The following ATP8B3 variants were observed in gnomAD, a reference collection of about 807,000 sequenced individuals.
ATP8B3 encodes phospholipid-transporting ATPase IK.
Under a neutral mutation model 140.9 loss-of-function variants are expected in ATP8B3, and 141 were observed. That is an observed-to-expected ratio of 1.00 (90% CI 0.87 to 1.15). The LOEUF is 1.15. Among genes scored for constraint, ATP8B3 ranks in the 50% most tolerant of loss-of-function variants. The pLI is 0.00. For missense variants in ATP8B3, 1,874 were observed against 1,740.6 expected, an observed-to-expected ratio of 1.08 and a Z score of -1.36; for synonymous variants, 765 against 714.6, an observed-to-expected ratio of 1.07 and a Z score of -1.13.
At position 1,800,290 on chromosome 19, in the gene ATP8B3, T is replaced by C. The variant is rs554611353; in HGVS notation, c.1312A>G (p.Ser438Gly). ...FVFWSFLILL[S>G]VTIPMSMFIL... is the part of the protein sequence containing the mutation. Reference sequence around the variant, plus strand: ...AACATGGACATCGGGATGGTGACGCTGAGCAGGATGAGGAAGCTCCAGAAG... The same window carrying C: ...AACATGGACATCGGGATGGTGACGCCGAGCAGGATGAGGAAGCTCCAGAAG... The change falls in exon 13 of 29, where the codon AGC becomes GGC. Residue 438 changes from serine to glycine, a missense_variant. Ser to Gly is a moderately conservative substitution (Grantham distance 56). Transcript: ENST00000310127. This position sits in a 1 kb window ranked among gnomAD's most constrained non-coding sequence, Gnocchi z 4.4. The C allele has an allele frequency of 3.5e-5, 57 of 1,612,452 alleles. No homozygotes were observed. The South Asian group carries it at 4.9e-4, about 14-fold the overall frequency.
intron 2 of ATP8B3, among the ~76,000 whole-genome samples, chr19:1,811,000 T>TGGCCATGCCAGCCTCC (rs2069173173): frequency 2.0e-5 from 3 of 152,274 alleles, no homozygotes; most frequent in South Asian, 2.1e-4. Flanking sequence ...TGCCAGCCTC[T>TGGCCATGCCAGCCTCC]GGCCATGCCA....
intron 11 of ATP8B3, 25 bp from the exon 12 acceptor site, chr19:1,802,069 A>ACACCCCCC: frequency 9.0e-7 from 1 of 1,112,376 alleles, no homozygotes; most frequent in Non-Finnish European, 1.2e-6. Flanking sequence ...CCATCTATCC[A>ACACCCCCC]CCCACCCACC....
chr19:1,811,799 A>AGGT lies in ATP8B3; in HGVS notation c.-66_-64dup. 6.7e-7 allele frequency: 1 copy of AGGT among 1,488,444 alleles called. No individual in the cohort carries two copies. The highest frequency in any genetic ancestry group is 1.3e-5 in the South Asian group (1 of 74,796). 92.2% of individuals were successfully genotyped at this position (1,488,444 alleles called of 1,614,324 possible). A position where few individuals can be genotyped will look rare whatever the true frequency, so the allele number is the denominator to read the frequency against. On this transcript the variant is annotated 5_prime_UTR_variant, in exon 2 of 29. Transcript: ENST00000310127. Reference sequence around the variant, plus strand: ...GGGTTTAGGCTGTGGGACGGGGGAGAGGTGGGGGAGACCCCCGTGGGGGCA... The same window carrying AGGT: ...GGGTTTAGGCTGTGGGACGGGGGAGAGGTGGTGGGGGAGACCCCCGTGGGGGCA...
chr19:1,802,077 A>T, intron 11 of ATP8B3, 33 bp from the exon 12 acceptor site: 2 of 928,694 alleles, frequency 2.2e-6, no homozygotes, highest in East Asian at 1.5e-4. Flanking sequence ...CCACCCACCC[A>T]CCCACCCATC....
At chr19:1,785,810 G>A (rs2068288574) in intron 25 of ATP8B3, 102 bp from the exon 26 acceptor site, 8 of 1,295,236 alleles carry the variant, frequency 6.2e-6, no homozygotes. Flanking sequence ...CACTCTCTGT[G>A]TGTGGCTCTT....
chr19:1,782,913 G>GA lies in ATP8B3; in HGVS notation c.*114_*115insT, dbSNP rs1282641587. 7.4e-7 allele frequency: 1 copy of GA among 1,353,930 alleles called. No individual in the cohort carries two copies. The highest frequency in any genetic ancestry group is 1.5e-5 in the African/African-American group (1 of 68,210). The allele number at this position is 1,353,930 out of a possible 1,614,324, so 83.9% of individuals were successfully genotyped here. Reference sequence around the variant, plus strand: ...TGGTTTTCTGGATGAAGAGCGGATTGTCTATCCATAGAAAATGATGAGCTA... The same window carrying GA: ...TGGTTTTCTGGATGAAGAGCGGATTGATCTATCCATAGAAAATGATGAGCTA... On this transcript the variant is annotated 3_prime_UTR_variant, in exon 29 of 29. Coordinates refer to ENST00000310127, the MANE Select transcript of ATP8B3 (RefSeq NM_138813.4).
In ATP8B3 at chr19:1,795,784, TACACACACACACACACACACAC is replaced by T. The variant is rs10526864; in HGVS notation, c.2055+69_2055+90del. 3,005 of 894,504 alleles carry T rather than the reference TACACACACACACACACACACAC, an allele frequency of 3.4e-3. 51 individuals carry two copies. The African/African-American group carries it at 0.056, about 17-fold the overall frequency. 55.4% of individuals were successfully genotyped at this position (894,504 alleles called of 1,614,324 possible). On this transcript the variant is annotated intron_variant, in intron 18 of 28. Transcript: ENST00000310127. ...CCCTGCCTCCTCCTCCTCCTGTCCC[TACACACACACACACACACACAC>T]ACACACACACACACACACACACACA...
intron 21 of ATP8B3, 39 bp from the exon 22 acceptor site, chr19:1,790,028 G>C (rs748750716): frequency 3.6e-5 from 53 of 1,481,114 alleles, no homozygotes; most frequent in Non-Finnish European, 5.0e-5. Flanking sequence ...GGGAGGGGGC[G>C]GGCTTCTCCC....
chr19:1,788,389 G>A (rs556408881), intron 24 of ATP8B3, among the ~76,000 whole-genome samples: 1 of 152,208 alleles, frequency 6.6e-6, no homozygotes, highest in Non-Finnish European at 1.5e-5. Flanking sequence ...GGTGGCTCAC[G>A]CTGTAATCCC....
intron 16 of ATP8B3, 93 bp from the exon 17 acceptor site, chr19:1,796,358 C>A (rs2068675268): frequency 1.6e-6 from 2 of 1,225,942 alleles, no homozygotes; most frequent in Admixed American, 2.4e-5. Flanking sequence ...CTGGGCTACA[C>A]CTTTATTGAT....
chr19:1,785,417 A>G (rs1305764897), intron 26 of ATP8B3, 52 bp downstream of exon 26: 3 of 1,587,844 alleles, frequency 1.9e-6, no homozygotes, highest in Non-Finnish European at 2.6e-6. Context: ...CCAGGGGAGG[A>G]GGCCTCCATA....
In ATP8B3 at chr19:1,782,776, A is replaced by T; in HGVS notation, c.*252T>A. Reference sequence around the variant, plus strand: ...TGGTCAACAGCAACTTCTCAGGAGAAGGTGGCCTCTGCTTGGGTGACAATG... The same window carrying T: ...TGGTCAACAGCAACTTCTCAGGAGATGGTGGCCTCTGCTTGGGTGACAATG... On this transcript the variant is annotated 3_prime_UTR_variant, in exon 29 of 29. Transcript: ENST00000310127. The T allele has an allele frequency of 3.9e-6, 2 of 516,306 alleles. No homozygotes were observed. Among genetic ancestry groups the T allele is most frequent in the East Asian group, 6.7e-5 (2 of 29,822 alleles). 32.0% of individuals were successfully genotyped at this position (516,306 alleles called of 1,614,324 possible). A position where few individuals can be genotyped will look rare whatever the true frequency, so the allele number is the denominator to read the frequency against.
At position 1,805,468 on chromosome 19, in the gene ATP8B3, G is replaced by T; in HGVS notation, c.822-12C>A. On this transcript the variant is annotated splice_polypyrimidine_tract_variant and intron_variant, in intron 9 of 28. Coordinates refer to ENST00000310127, the MANE Select transcript of ATP8B3 (RefSeq NM_138813.4). This position sits in a 1 kb window ranked among gnomAD's most constrained non-coding sequence, Gnocchi z 5.2. ...TCAAGTTGGTCTCCCTGGTGACGAGGAGAGGAGGGAGGTGAAAGTGGAGTT... is the reference window on the plus strand; with the variant it reads ...TCAAGTTGGTCTCCCTGGTGACGAGTAGAGGAGGGAGGTGAAAGTGGAGTT... 1 of 1,552,138 alleles carries T rather than the reference G, an allele frequency of 6.4e-7. No individual in the cohort carries two copies.
At chr19:1,799,907 A>G in intron 14 of ATP8B3, 40 bp downstream of exon 14, 1 of 1,541,852 alleles carries the variant, frequency 6.5e-7, no homozygotes, top group Non-Finnish European at 8.8e-7. Flanking sequence ...CCCCTTGAAG[A>G]TCGAGGACCC....
chr19:1,800,340 C>A lies in ATP8B3; in HGVS notation c.1262G>T (p.Ser421Ile). The change falls in exon 13 of 29, where the codon AGC (serine) becomes ATC (isoleucine). Residue 421 changes from serine (S) to isoleucine (I), a missense_variant. By Grantham distance (142) the Ser-to-Ile change is moderately radical (BLOSUM62 -2). Coordinates refer to ENST00000310127, the MANE Select transcript of ATP8B3 (RefSeq NM_138813.4). This position sits in a 1 kb window ranked among gnomAD's most constrained non-coding sequence, Gnocchi z 4.4. ...HYYLSGVHGS[S>I]VAAESFFVFW... is the part of the protein sequence containing the mutation. ...GACGAAGAAGGACTCTGCGGCCACG[C>A]TGCTCCCATGCACCCCCGAGAGGTA... 1 of 1,612,868 alleles carries A rather than the reference C, an allele frequency of 6.2e-7. No individual in the cohort carries two copies. The highest frequency in any genetic ancestry group is 8.5e-7 in the Non-Finnish European group (1 of 1,179,810).
chr19:1,785,748 G>C, intron 25 of ATP8B3, 40 bp from the exon 26 acceptor site: 2 of 1,195,546 alleles, frequency 1.7e-6, no homozygotes, highest in Non-Finnish European at 2.3e-6. Flanking sequence ...GGTGGGGGGC[G>C]GGGGACACCC....
At position 1,805,815 on chromosome 19, in the gene ATP8B3, G is replaced by A. The variant is rs2068993836; in HGVS notation, c.821+73C>T. The A allele has an allele frequency of 6.3e-7, 1 of 1,579,364 alleles. No homozygotes were observed. ...GACCTTGGCTGGCCGCCTCCTTGGTGACTGGGGAAGGGGGCTCCTCCGGGC... is the reference window on the plus strand; with the variant it reads ...GACCTTGGCTGGCCGCCTCCTTGGTAACTGGGGAAGGGGGCTCCTCCGGGC... On this transcript the variant is annotated intron_variant, in intron 9 of 28. Coordinates refer to ENST00000310127, the MANE Select transcript of ATP8B3 (RefSeq NM_138813.4). The surrounding 1 kb of genome is among the most constrained non-coding windows in gnomAD (Gnocchi z 5.2).
intron 28 of ATP8B3, among the ~76,000 whole-genome samples, chr19:1,783,669 G>C (rs1415720755): frequency 2.6e-5 from 4 of 152,226 alleles, no homozygotes; most frequent in African/African-American, 9.6e-5. Flanking sequence ...ATCCAGGAGA[G>C]GTGAGCCTGG....
intron 21 of ATP8B3, 77 bp downstream of exon 21, chr19:1,790,680 G>C: frequency 1.2e-6 from 1 of 866,196 alleles, no homozygotes; most frequent in Non-Finnish European, 1.5e-6. Context: ...TCCCCGTCCA[G>C]TGAGACACGC....
Sources: gnomAD v4.1 joint callset for allele counts (sites outside exome capture counted in the v4.1 genomes callset) on GRCh38, gnomAD v4.1.1 for gene constraint, Gnocchi (gnomAD v3.1) non-coding constraint, MANE v1.5 for transcripts, NCBI Gene and HGNC (gene_info 2026-07-23, HGNC 2026-07-21) for gene names.